MGAT4C: variants seen among roughly 807,000 people sequenced by gnomAD.
MGAT4C encodes the protein alpha-1,3-mannosyl-glycoprotein 4-beta-N-acetylglucosaminyltransferase C.
Under a neutral mutation model 40.1 loss-of-function variants are expected in MGAT4C, and 19 were observed. The ratio of observed to expected loss-of-function variants is 0.47; its 90% CI spans 0.33 to 0.70. MGAT4C has a LOEUF of 0.70. MGAT4C is among the 30% of genes least tolerant of loss of function. MGAT4C has a pLI of 0.02. For synonymous variants in MGAT4C, 181 were observed against 187.1 expected, an observed-to-expected ratio of 0.97 and a Z score of 0.27; for missense variants, 491 against 563.2, an observed-to-expected ratio of 0.87 and a Z score of 1.30.
At chr12:86,689,761 G>A (rs1381419876) in intron 2 of MGAT4C, among the ~76,000 whole-genome samples, 1 of 152,152 alleles carries the variant, frequency 6.6e-6, no homozygotes, top group Non-Finnish European at 1.5e-5. Flanking sequence ...CCCTGGCTGG[G>A]ATGTGTCTCC....
chr12:86,247,661 G>T (rs149316177), intron 1 of MGAT4C, among the ~76,000 whole-genome samples: 27 of 152,252 alleles, frequency 1.8e-4, no homozygotes, highest in African/African-American at 5.8e-4. Context: ...ATGTGGAAAA[G>T]GTTCAGAGGA....
chr12:86,166,387 G>A (rs919020594), intron 1 of MGAT4C, among the ~76,000 whole-genome samples: 2 of 152,092 alleles, frequency 1.3e-5, no homozygotes, highest in African/African-American at 4.8e-5. Context: ...TGACTACTAA[G>A]CCGGGTGGGT....
chr12:86,196,352 A>G (rs1342115577), intron 1 of MGAT4C, among the ~76,000 whole-genome samples: 1 of 152,178 alleles, frequency 6.6e-6, no homozygotes, highest in Admixed American at 6.5e-5. Flanking sequence ...CACTGGGGTA[A>G]TAGCGTCACC....
intron 2 of MGAT4C, among the ~76,000 whole-genome samples, chr12:86,678,896 G>T (rs1323655538): frequency 1.3e-5 from 2 of 152,082 alleles, no homozygotes; most frequent in African/African-American, 4.8e-5. Flanking sequence ...ACATACGTGT[G>T]CATGTGTCTT....
intron 1 of MGAT4C, among the ~76,000 whole-genome samples, chr12:86,148,838 G>A (rs991505786): frequency 1.3e-5 from 2 of 152,178 alleles, no homozygotes; most frequent in South Asian, 2.1e-4. Context: ...CCTTGAGCTT[G>A]TAATGAGATA....
intron 3 of MGAT4C, among the ~76,000 whole-genome samples, chr12:86,414,312 C>T (rs144578176): frequency 2.1e-3 from 317 of 152,168 alleles, no homozygotes; most frequent in Non-Finnish European, 3.7e-3. Flanking sequence ...AGAAAGTCAT[C>T]GGCATTAGTC....
At chr12:86,156,910 T>A (rs900435395) in intron 1 of MGAT4C, among the ~76,000 whole-genome samples, 33 of 152,140 alleles carry the variant, frequency 2.2e-4, no homozygotes, top group African/African-American at 7.5e-4. Flanking sequence ...TAATTTTTTT[T>A]AAATAAAGCT....
At chr12:86,281,506 A>T (rs1258816313) in intron 4 of MGAT4C, among the ~76,000 whole-genome samples, 1 of 152,000 alleles carries the variant, frequency 6.6e-6, no homozygotes, top group African/African-American at 2.4e-5. Context: ...ATTTTGGAGA[A>T]GTTTTATAAA....
intron 2 of MGAT4C, among the ~76,000 whole-genome samples, chr12:86,721,222 G>A (rs564346961): frequency 9.1e-4 from 139 of 152,048 alleles, no homozygotes; most frequent in Non-Finnish European, 1.8e-3. Context: ...GATCTAGCAG[G>A]AAGCACACTG....
At chr12:86,008,821 T>A (rs965976968) in intron 2 of MGAT4C, among the ~76,000 whole-genome samples, 1 of 152,138 alleles carries the variant, frequency 6.6e-6, no homozygotes, top group African/African-American at 2.4e-5. Flanking sequence ...AGAATAAGTG[T>A]GGAATTTTGT....
At chr12:86,769,229 A>G (rs1951581225) in intron 1 of MGAT4C, among the ~76,000 whole-genome samples, 1 of 152,216 alleles carries the variant, frequency 6.6e-6, no homozygotes, top group African/African-American at 2.4e-5. Context: ...ACACTTCTCA[A>G]AAGAAGACAT....
At chr12:86,713,527 T>C (rs1950595274) in intron 2 of MGAT4C, among the ~76,000 whole-genome samples, 1 of 152,086 alleles carries the variant, frequency 6.6e-6, no homozygotes, top group Non-Finnish European at 1.5e-5. Flanking sequence ...ATAGTAAAGA[T>C]ATGTATTTTT....
rs143380658 is a variant in MGAT4C, at chr12:86,774,599, T to A, written c.-261-47358A>T. ...ATATTTTTCTCCTGTAGAAAAGAAA[T>A]CATGTTTGCATCAGTGCAGTTTGTA... On this transcript the variant is annotated intron_variant, in intron 1 of 7. Transcript: ENST00000548651. Among the ~76,000 whole-genome samples, 503 of 152,136 alleles carry A rather than the reference T, an allele frequency of 3.3e-3. 2 individuals are homozygous for A. The highest frequency in any genetic ancestry group is 0.012 in the African/African-American group (496 of 41,510).
chr12:86,505,677 G>T (rs976378824), intron 2 of MGAT4C, among the ~76,000 whole-genome samples: 2 of 152,138 alleles, frequency 1.3e-5, no homozygotes, highest in East Asian at 1.9e-4. Context: ...TAAAGAAAAT[G>T]AGTAAAGGTC....
intron 2 of MGAT4C, among the ~76,000 whole-genome samples, chr12:86,464,851 G>A (rs906107359): frequency 3.8e-4 from 57 of 151,930 alleles, no homozygotes; most frequent in Non-Finnish European, 6.8e-4. Context: ...ACAAACAAGC[G>A]TATGACTTCT....
intron 2 of MGAT4C, among the ~76,000 whole-genome samples, chr12:86,555,147 C>T (rs78484828): frequency 0.032 from 4,830 of 151,672 alleles, 263 homozygotes; most frequent in African/African-American, 0.11. Context: ...ACCCCCATTT[C>T]AGGATCTTTA....
At chr12:86,537,377 A>T (rs1370034328) in intron 2 of MGAT4C, among the ~76,000 whole-genome samples, 2 of 151,942 alleles carry the variant, frequency 1.3e-5, no homozygotes, top group Admixed American at 1.3e-4. Flanking sequence ...ATAACAAAAA[A>T]AAAACAACAG....
At chr12:86,761,512 A>T (rs1336100034) in intron 1 of MGAT4C, among the ~76,000 whole-genome samples, 3 of 152,224 alleles carry the variant, frequency 2.0e-5, no homozygotes, top group Non-Finnish European at 4.4e-5. Context: ...ATAACCACAA[A>T]CTTAGTTGCT....
At chr12:85,981,394 G>A (rs1384566092) in intron 4 of MGAT4C, among the ~76,000 whole-genome samples, 3 of 152,030 alleles carry the variant, frequency 2.0e-5, no homozygotes, top group Admixed American at 6.5e-5. Flanking sequence ...CAAGATCATC[G>A]TTTTAATATA....
Sources: allele counts gnomAD v4.1 joint callset (sites outside exome capture counted in the v4.1 genomes callset), GRCh38; gene constraint gnomAD v4.1.1; transcripts MANE v1.5; gene names NCBI Gene and HGNC (gene_info 2026-07-23, HGNC 2026-07-21).